Variants in PHLPP2 observed in about 807,000 individuals in gnomAD.
PHLPP2 encodes PH domain and leucine rich repeat protein phosphatase 2.
PHLPP2 carries 66 observed loss-of-function variants against 124.9 expected under a neutral mutation model. The ratio of observed to expected loss-of-function variants is 0.53; its 90% CI spans 0.43 to 0.65. The LOEUF is 0.65. Ranked by LOEUF, PHLPP2 falls within the 30% of genes least tolerant of loss-of-function variation. The pLI is 0.00. For synonymous variants in PHLPP2, 681 were observed against 624.7 expected (o/e 1.09, Z -1.34); for missense variants, 1,685 against 1,600.4 (o/e 1.05, Z -0.90).
In PHLPP2 at chr16:71,663,963, C is replaced by CCAGG. The variant is rs1205957742; in HGVS notation, c.1917_1920dup (p.Val641ProfsTer27). 6.2e-7 allele frequency: 1 copy of CCAGG among 1,614,068 alleles called. No individual in the cohort carries two copies. Among genetic ancestry groups the CCAGG allele is most frequent in the Non-Finnish European group, 8.5e-7 (1 of 1,179,924 alleles). On this transcript the variant is annotated frameshift_variant, in exon 13 of 19. Coordinates refer to ENST00000568954, the MANE Select transcript of PHLPP2 (RefSeq NM_015020.3). LOFTEE classifies it high-confidence loss of function. The stretch of plus-strand genomic sequence containing the variant: ...AAGATTCGCAGGTGCAGGTGCCCTA[C>CCAGG]CAGGACAGGTATGCACTGATCCGTC...
chr16:71,697,596 C>A lies in PHLPP2; in HGVS notation c.418+5002G>T, dbSNP rs1344048579. On this transcript the variant is annotated intron_variant, in intron 3 of 18. Transcript: ENST00000568954. ...ATGAATGGAAATATACGATGTAATT[C>A]TTTTGCGTCTGGCTTCTGATGTTTG... 2.6e-5 allele frequency among the ~76,000 whole-genome samples: 4 copies of A among 152,146 alleles called. 1 individual carries two copies. In the East Asian group the frequency reaches 5.8e-4, roughly 22 times the overall value.
chr16:71,721,495 T>C (rs2045398434), intron 1 of PHLPP2, among the ~76,000 whole-genome samples: 1 of 152,150 alleles, frequency 6.6e-6, no homozygotes, highest in Non-Finnish European at 1.5e-5. Flanking sequence ...TCCTAGCTAC[T>C]TGAGAGGCTG....
intron 11 of PHLPP2, among the ~76,000 whole-genome samples, chr16:71,667,638 GCA>G (rs2044850923): frequency 6.6e-6 from 1 of 152,132 alleles, no homozygotes. Flanking sequence ...AGTCTAAGCA[GCA>G]CCAAAAATTC....
intron 12 of PHLPP2, among the ~76,000 whole-genome samples, chr16:71,664,883 T>C (rs2145319542): frequency 6.6e-6 from 1 of 152,372 alleles, no homozygotes; most frequent in South Asian, 2.1e-4. Flanking sequence ...GACACTGTAA[T>C]GAGCATCTTT....
intron 3 of PHLPP2, chr16:71,698,521 G>C (rs2045196842): frequency 1.4e-6 from 1 of 715,574 alleles, no homozygotes; most frequent in Admixed American, 1.8e-5. Flanking sequence ...TTGGAGCCTA[G>C]ACTGGGGATA....
chr16:71,718,302 G>T (rs113934295), intron 1 of PHLPP2, among the ~76,000 whole-genome samples: 2 of 152,048 alleles, frequency 1.3e-5, no homozygotes, highest in Non-Finnish European at 2.9e-5. Flanking sequence ...ATATGCGGTC[G>T]GGCGCAGTGG....
chr16:71,649,215 A>G lies in PHLPP2; in HGVS notation c.3647T>C (p.Leu1216Pro). ...CATCCTGTCCTTGCTCATTGGCAGG[A>G]GCATGCCACTATTCACACTGTTCTG... ...RRQNSVNSGMLLPMSKDRMEL... is the reference protein window; with the variant it reads ...RRQNSVNSGMPLPMSKDRMEL... The change falls in exon 19 of 19, where the codon CTC (leucine) becomes CCC (proline). Residue 1216 changes from leucine (L) to proline (P), a missense_variant. By Grantham distance (98) the Leu-to-Pro change is moderately conservative (BLOSUM62 -3). Transcript: ENST00000568954. The G allele has an allele frequency of 6.2e-7, 1 of 1,613,816 alleles. No homozygotes were observed.
chr16:71,707,374 G>C (rs191742433), intron 2 of PHLPP2, among the ~76,000 whole-genome samples: 1 of 152,070 alleles, frequency 6.6e-6, no homozygotes, highest in Non-Finnish European at 1.5e-5. Context: ...GAGTGTCTTT[G>C]TTATTCATGA....
At chr16:71,679,646 T>A (rs2044978864) in intron 6 of PHLPP2, 111 bp from the exon 7 acceptor site, 2 of 901,342 alleles carry the variant, frequency 2.2e-6, no homozygotes, top group Non-Finnish European at 1.7e-6. Flanking sequence ...ATAATAGAAT[T>A]TATTCCAAAA....
chr16:71,723,722 T>C (rs1597023618), intron 1 of PHLPP2: 3 of 953,716 alleles, frequency 3.1e-6, no homozygotes, highest in African/African-American at 1.8e-5. Context: ...CTAGTCCGCT[T>C]GCCCGCTCGC....
chr16:71,682,029 G>T (rs2145341171), intron 5 of PHLPP2, 124 bp from the exon 6 acceptor site: 2 of 615,732 alleles, frequency 3.2e-6, no homozygotes, highest in Non-Finnish European at 5.3e-6. Context: ...AAGGCAATAA[G>T]ATCCAATTAT....
chr16:71,681,672 T>C, intron 6 of PHLPP2, 79 bp downstream of exon 6: 3 of 1,093,814 alleles, frequency 2.7e-6, no homozygotes, highest in Non-Finnish European at 3.8e-6. Context: ...ATACATACAA[T>C]GGTAGCAGGT....
chr16:71,648,861 C>T lies in PHLPP2; in HGVS notation c.*29G>A. Reference sequence around the variant, plus strand: ...AGTCCCTACCCCAACCCTGCACAGCCTCCTCCCACACTGTGCCCAGTGGGG... The same window carrying T: ...AGTCCCTACCCCAACCCTGCACAGCTTCCTCCCACACTGTGCCCAGTGGGG... On this transcript the variant is annotated 3_prime_UTR_variant, in exon 19 of 19. Coordinates refer to ENST00000568954, the MANE Select transcript of PHLPP2 (RefSeq NM_015020.3). 2 of 1,551,468 alleles carry T rather than the reference C, an allele frequency of 1.3e-6. No individual in the cohort carries two copies. The highest frequency in any genetic ancestry group is 1.8e-6 in the Non-Finnish European group (2 of 1,127,678).
At chr16:71,705,032 T>C (rs981688607) in intron 2 of PHLPP2, among the ~76,000 whole-genome samples, 9 of 152,186 alleles carry the variant, frequency 5.9e-5, no homozygotes, top group African/African-American at 1.9e-4. Context: ...AGAAGGTGCA[T>C]AGGTAGATTT....
chr16:71,661,975 C>A (rs2145316218), intron 13 of PHLPP2, among the ~76,000 whole-genome samples: 1 of 152,026 alleles, frequency 6.6e-6, no homozygotes, highest in Admixed American at 6.5e-5. Flanking sequence ...AGGCGCCCAC[C>A]ACCACACCTG....
At chr16:71,680,718 T>C (rs2044989176) in intron 6 of PHLPP2, among the ~76,000 whole-genome samples, 1 of 152,210 alleles carries the variant, frequency 6.6e-6, no homozygotes, top group African/African-American at 2.4e-5. Context: ...ACGCTTCTCT[T>C]CCAAATTTTC....
In PHLPP2 at chr16:71,649,911, T is replaced by C; in HGVS notation, c.2951A>G (p.Asn984Ser). The C allele has an allele frequency of 6.2e-7, 1 of 1,614,208 alleles. No homozygotes were observed. The highest frequency in any genetic ancestry group is 8.5e-7 in the Non-Finnish European group (1 of 1,180,024). Residue 984 changes from asparagine (N) to serine (S), a missense_variant, in exon 19 of 19, where the codon AAC becomes AGC. By Grantham distance (46) the Asn-to-Ser change is conservative (BLOSUM62 1). Transcript: ENST00000568954. The part of the protein sequence containing the change: ...TIQDELLILG[N>S]KALWEHLSYT... ...GGACAAGTGTTCCCACAATGCTTTG[T>C]TTCCCAGAATCAGCAACTCATCTTG...
chr16:71,698,716 C>T, intron 3 of PHLPP2: 4 of 353,638 alleles, frequency 1.1e-5, no homozygotes, highest in Non-Finnish European at 2.2e-5. Context: ...TTTACATGCT[C>T]TCTTAATCCC....
chr16:71,693,371 A>T (rs190943609), intron 3 of PHLPP2, among the ~76,000 whole-genome samples: 5 of 152,306 alleles, frequency 3.3e-5, no homozygotes, highest in Non-Finnish European at 5.9e-5. Context: ...ACTCAAGCTC[A>T]TCTCCTGAAG....
Sources: allele counts gnomAD v4.1 joint callset (sites outside exome capture counted in the v4.1 genomes callset), GRCh38; gene constraint gnomAD v4.1.1; transcripts MANE v1.5; gene names NCBI Gene and HGNC (gene_info 2026-07-23, HGNC 2026-07-21).